Variants in CPED1 observed in about 807,000 individuals in gnomAD.
The protein encoded by CPED1 is cadherin like and PC-esterase domain containing 1.
Under a neutral mutation model 128.2 loss-of-function variants are expected in CPED1, and 114 were observed. That is an observed-to-expected ratio of 0.89 (90% CI 0.76 to 1.04). CPED1 has a LOEUF of 1.04. Ranked by LOEUF, CPED1 falls within the 50% of genes least tolerant of loss-of-function variation. The probability of loss-of-function intolerance (pLI) is 0.00; values close to 1 mark genes in which losing one functional copy is unlikely to be tolerated. For missense variants in CPED1, 1,211 were observed against 1,207.1 expected, an observed-to-expected ratio of 1.00 and a Z score of -0.05; for synonymous variants, 462 against 426.7, an observed-to-expected ratio of 1.08 and a Z score of -1.02.
chr7:121,088,798 AG>A lies in CPED1; in HGVS notation c.617-8900del, dbSNP rs1457673253. Among the ~76,000 whole-genome samples, 10 of 146,824 alleles carry A rather than the reference AG, an allele frequency of 6.8e-5. 1 individual carries two copies. The highest frequency in any genetic ancestry group is 2.0e-4 in the Admixed American group (3 of 14,678). The stretch of plus-strand genomic sequence containing the variant: ...AAAAAAAAAAAAAAAAAAAATTGAA[AG>A]TGTAATAATCTCATTAACATCTTTA... On this transcript the variant is annotated intron_variant, in intron 5 of 22. Transcript: ENST00000310396.
intron 3 of CPED1, among the ~76,000 whole-genome samples, chr7:121,030,174 A>G (rs1166483468): frequency 6.6e-6 from 1 of 152,158 alleles, no homozygotes; most frequent in Non-Finnish European, 1.5e-5. Context: ...CACGATAGAC[A>G]CACACATTTA....
chr7:121,178,663 G>T (rs1206154974), intron 16 of CPED1, among the ~76,000 whole-genome samples: 3 of 152,080 alleles, frequency 2.0e-5, no homozygotes, highest in Non-Finnish European at 1.5e-5. Context: ...CAGAACCAAA[G>T]CAGTCAATCA....
Position 121,211,565 on chromosome 7 carries a change from GACACGTGACATATTCT to G in CPED1, c.2056-25148_2056-25133del, listed in dbSNP as rs1322007229. 1.8e-4 allele frequency among the ~76,000 whole-genome samples: 28 copies of G among 152,208 alleles called. No homozygotes were observed. In the South Asian group the frequency reaches 5.0e-3, roughly 27 times the overall value. On this transcript the variant is annotated intron_variant, in intron 16 of 22. Coordinates refer to ENST00000310396, the MANE Select transcript of CPED1 (RefSeq NM_024913.5). ...GCAAGCATATCTGATTGGGACAGCAGACACGTGACATATTCTGGAGATCAGCTTGAACTATCACAGG... is the reference window on the plus strand; with the variant it reads ...GCAAGCATATCTGATTGGGACAGCAGGGAGATCAGCTTGAACTATCACAGG...
intron 22 of CPED1, 99 bp from the exon 23 acceptor site, chr7:121,295,341 T>C (rs1792801723): frequency 2.2e-6 from 3 of 1,393,368 alleles, no homozygotes; most frequent in Non-Finnish European, 2.9e-6. Context: ...TTTAGCAACA[T>C]CTGTGTGGCA....
chr7:120,989,357 A>T (rs1187118057), intron 1 of CPED1, 34 bp from the exon 2 acceptor site: 1 of 449,336 alleles, frequency 2.2e-6, no homozygotes, highest in East Asian at 4.6e-5. Context: ...ATTCGTTACA[A>T]CTATTATTAT....
intron 22 of CPED1, among the ~76,000 whole-genome samples, chr7:121,288,672 A>G (rs1056086754): frequency 3.3e-5 from 5 of 152,226 alleles, no homozygotes; most frequent in African/African-American, 1.2e-4. Context: ...GCAACTTTAA[A>G]TTCAACCCTA....
At chr7:121,212,953 G>A (rs764795009) in intron 16 of CPED1, among the ~76,000 whole-genome samples, 5 of 151,924 alleles carry the variant, frequency 3.3e-5, no homozygotes, top group Admixed American at 6.6e-5. Context: ...GGAAAGATGC[G>A]TTGAGGCTTT....
intron 16 of CPED1, among the ~76,000 whole-genome samples, chr7:121,236,183 T>A (rs1260300867): frequency 6.6e-6 from 1 of 152,146 alleles, no homozygotes; most frequent in Non-Finnish European, 1.5e-5. Flanking sequence ...AAAACATTGC[T>A]TAGTATAGCA....
intron 3 of CPED1, among the ~76,000 whole-genome samples, chr7:121,026,827 C>CT (rs71170219): frequency 0.016 from 1,307 of 83,438 alleles, 65 homozygotes; most frequent in African/African-American, 0.052. Context: ...CCTGTCAGTT[C>CT]TTTTTTTTTT....
At chr7:121,295,384 G>T in intron 22 of CPED1, 56 bp from the exon 23 acceptor site, 1 of 1,544,184 alleles carries the variant, frequency 6.5e-7, no homozygotes, top group Non-Finnish European at 8.7e-7. Context: ...AGTTAGTTAT[G>T]CAGGGATTGG....
intron 16 of CPED1, among the ~76,000 whole-genome samples, chr7:121,154,800 T>C (rs1796247855): frequency 6.6e-6 from 1 of 152,298 alleles, no homozygotes; most frequent in Non-Finnish European, 1.5e-5. Context: ...CACCTCGGCC[T>C]CCCAAAGTGC....
chr7:121,053,383 C>T (rs559994755), intron 4 of CPED1, among the ~76,000 whole-genome samples: 8 of 152,142 alleles, frequency 5.3e-5, no homozygotes, highest in African/African-American at 1.7e-4. Context: ...GAATGATCCT[C>T]AATTTGGATT....
At chr7:121,209,391 AT>A (rs765458981) in intron 16 of CPED1, among the ~76,000 whole-genome samples, 2 of 152,046 alleles carry the variant, frequency 1.3e-5, no homozygotes, top group Admixed American at 6.6e-5. Flanking sequence ...AGATGGCTGA[AT>A]TAGCTTCCAT....
chr7:121,057,858 A>T (rs114812023), intron 4 of CPED1, among the ~76,000 whole-genome samples: 1,658 of 152,362 alleles, frequency 0.011, 25 homozygotes, highest in African/African-American at 0.037. Context: ...ATAGTCGCTA[A>T]GTAATAATAT....
intron 4 of CPED1, among the ~76,000 whole-genome samples, chr7:121,054,618 G>A (rs1018267523): frequency 6.6e-6 from 1 of 151,182 alleles, no homozygotes; most frequent in African/African-American, 2.4e-5. Context: ...TGCAATTTAT[G>A]TATTATTTGA....
At chr7:121,268,255 C>T (rs1218900503) in intron 21 of CPED1, among the ~76,000 whole-genome samples, 8 of 152,014 alleles carry the variant, frequency 5.3e-5, no homozygotes, top group African/African-American at 1.9e-4. Context: ...TTGAGGACTC[C>T]AGTAGCTCCA....
chr7:121,096,464 G>T (rs1794700688), intron 5 of CPED1, among the ~76,000 whole-genome samples: 1 of 152,150 alleles, frequency 6.6e-6, no homozygotes, highest in South Asian at 2.1e-4. Flanking sequence ...TCTAAATACT[G>T]TTGGAGAGAG....
chr7:121,215,706 G>T (rs1016174335), intron 16 of CPED1, among the ~76,000 whole-genome samples: 8 of 151,996 alleles, frequency 5.3e-5, no homozygotes, highest in African/African-American at 1.9e-4. Context: ...GTGTTAGTAT[G>T]GGAGAATCCC....
intron 2 of CPED1, among the ~76,000 whole-genome samples, chr7:120,990,355 C>T (rs1415998822): frequency 6.6e-6 from 1 of 152,044 alleles, no homozygotes; most frequent in Non-Finnish European, 1.5e-5. Flanking sequence ...GACCACATTT[C>T]TAAAGCAATA....
Sources: gnomAD v4.1 joint callset for allele counts (sites outside exome capture counted in the v4.1 genomes callset) on GRCh38, gnomAD v4.1.1 for gene constraint, MANE v1.5 for transcripts, NCBI Gene and HGNC (gene_info 2026-07-23, HGNC 2026-07-21) for gene names.